POU3F3: variants seen among roughly 807,000 people sequenced by gnomAD.
POU3F3 encodes the protein POU domain, class 3, transcription factor 3.
POU3F3 carries 1 observed loss-of-function variant against 8.6 expected under a neutral mutation model. The ratio of observed to expected loss-of-function variants is 0.12; its 90% CI spans 0.04 to 0.55. POU3F3 has a LOEUF of 0.55. Ranked by LOEUF, POU3F3 falls within the 20% of genes least tolerant of loss-of-function variation. The probability of loss-of-function intolerance (pLI) is 0.91; values close to 1 mark genes in which losing one functional copy is unlikely to be tolerated. For missense variants in POU3F3, 577 were observed against 690.7 expected (o/e 0.84, Z 1.84); for synonymous variants, 418 against 327.4 (o/e 1.28, Z -2.99).
At chr2:104,892,868 A>G in the POU3F3 span, among the ~76,000 whole-genome samples, 1 of 151,948 alleles carries the variant, frequency 6.6e-6, no homozygotes, top group African/African-American at 2.4e-5. Flanking sequence ...TGGCCGATTC[A>G]TGCTTTAGAT....
chr2:104,888,755 A>G, the POU3F3 span, among the ~76,000 whole-genome samples: 2 of 152,044 alleles, frequency 1.3e-5, no homozygotes, highest in East Asian at 1.9e-4. Flanking sequence ...ACAGTAACCA[A>G]TTTGGGGTTT....
chr2:104,861,754 G>A (rs1167105454), downstream of POU3F3, among the ~76,000 whole-genome samples: 1 of 152,224 alleles, frequency 6.6e-6, no homozygotes, highest in Non-Finnish European at 1.5e-5. Context: ...TTGTTGTTGA[G>A]TGACGCATGT....
At chr2:104,871,932 G>C in the POU3F3 span, among the ~76,000 whole-genome samples, 11 of 152,144 alleles carry the variant, frequency 7.2e-5, no homozygotes, top group African/African-American at 2.4e-4. Flanking sequence ...GGTCAGCGAC[G>C]GCCAGCGAAA....
chr2:104,904,352 A>C, the POU3F3 span, among the ~76,000 whole-genome samples: 1 of 152,178 alleles, frequency 6.6e-6, no homozygotes, highest in African/African-American at 2.4e-5. Context: ...TGTCACCAAC[A>C]GGGCCACTGT....
chr2:104,890,485 G>A, the POU3F3 span, among the ~76,000 whole-genome samples: 1 of 151,900 alleles, frequency 6.6e-6, no homozygotes, highest in African/African-American at 2.4e-5. Flanking sequence ...GACCTCATTC[G>A]CCCACCTCCC....
the POU3F3 span, among the ~76,000 whole-genome samples, chr2:104,889,336 C>G: frequency 6.6e-6 from 1 of 152,122 alleles, no homozygotes; most frequent in East Asian, 1.9e-4. Context: ...CAAGGTCCTG[C>G]TAGTGCGGCT....
At chr2:104,921,881 C>T in the POU3F3 span, among the ~76,000 whole-genome samples, 1 of 152,172 alleles carries the variant, frequency 6.6e-6, no homozygotes, top group Non-Finnish European at 1.5e-5. Flanking sequence ...CCTGTAGTCC[C>T]AGCTACTCAG....
chr2:104,922,591 T>C, the POU3F3 span, among the ~76,000 whole-genome samples: 1 of 152,224 alleles, frequency 6.6e-6, no homozygotes, highest in South Asian at 2.1e-4. Flanking sequence ...AACTTGAAGT[T>C]AAGACGAATG....
the POU3F3 span, among the ~76,000 whole-genome samples, chr2:104,876,700 G>A: frequency 2.0e-5 from 3 of 152,140 alleles, no homozygotes; most frequent in Non-Finnish European, 2.9e-5. Context: ...TCGTGGCTGC[G>A]GCTCCCAGCT....
the POU3F3 span, among the ~76,000 whole-genome samples, chr2:104,914,183 A>C: frequency 2.0e-5 from 3 of 152,226 alleles, no homozygotes; most frequent in Admixed American, 6.5e-5. Context: ...AGAATTTGTT[A>C]ATCTGTTATC....
At chr2:104,927,693 A>G in the POU3F3 span, among the ~76,000 whole-genome samples, 3 of 146,578 alleles carry the variant, frequency 2.0e-5, no homozygotes, top group African/African-American at 7.5e-5. Context: ...GCTGCAGTGA[A>G]TTATAATTGT....
chr2:104,869,458 G>A, the POU3F3 span, among the ~76,000 whole-genome samples: 1 of 152,226 alleles, frequency 6.6e-6, no homozygotes. Context: ...CCCACCAGGT[G>A]TCCTGGGAAC....
the POU3F3 span, among the ~76,000 whole-genome samples, chr2:104,903,588 C>A: frequency 6.6e-6 from 1 of 152,298 alleles, no homozygotes; most frequent in East Asian, 1.9e-4. Context: ...TTCATTTAAG[C>A]ATTTATTTGA....
At chr2:104,919,806 C>A in the POU3F3 span, among the ~76,000 whole-genome samples, 92 of 151,964 alleles carry the variant, frequency 6.1e-4, 1 homozygote, top group Non-Finnish European at 1.1e-3. Flanking sequence ...TTCCTCTCCC[C>A]TCCTCCTCTC....
At chr2:104,892,496 C>T in the POU3F3 span, among the ~76,000 whole-genome samples, 1 of 151,950 alleles carries the variant, frequency 6.6e-6, no homozygotes, top group Non-Finnish European at 1.5e-5. Flanking sequence ...GACAGAGTCT[C>T]ACTCTGTCAC....
the POU3F3 span, among the ~76,000 whole-genome samples, chr2:104,917,361 G>A: frequency 2.6e-5 from 4 of 152,202 alleles, no homozygotes; most frequent in African/African-American, 9.7e-5. Context: ...TATTGTCATA[G>A]AGACAACAAC....
chr2:104,897,702 G>A, the POU3F3 span, among the ~76,000 whole-genome samples: 3 of 152,188 alleles, frequency 2.0e-5, no homozygotes, highest in South Asian at 6.2e-4. Flanking sequence ...CTCAGAAGTC[G>A]ATCTTTTTGT....
At chr2:104,901,542 G>T in the POU3F3 span, among the ~76,000 whole-genome samples, 1 of 152,168 alleles carries the variant, frequency 6.6e-6, no homozygotes, top group Non-Finnish European at 1.5e-5. Context: ...TGTCACCATT[G>T]CCCTAGTGTC....
At chr2:104,878,058 T>A in the POU3F3 span, among the ~76,000 whole-genome samples, 2 of 152,126 alleles carry the variant, frequency 1.3e-5, no homozygotes, top group East Asian at 3.9e-4. Flanking sequence ...TCCTGGATGC[T>A]GGCAGTTAAG....
Sources: gnomAD v4.1 joint callset for allele counts (sites outside exome capture counted in the v4.1 genomes callset) on GRCh38, gnomAD v4.1.1 for gene constraint, MANE v1.5 for transcripts, NCBI Gene and HGNC (gene_info 2026-07-23, HGNC 2026-07-21) for gene names.